Variants in VWA5B1 observed in about 807,000 individuals in gnomAD.
VWA5B1 encodes von Willebrand factor A domain containing 5B1, also known as von Willebrand factor A domain-containing protein 5B1.
Under a neutral mutation model 118.2 loss-of-function variants are expected in VWA5B1, and 115 were observed. The observed-to-expected ratio is 0.97, with a 90% CI of 0.84 to 1.14. The LOEUF (loss-of-function observed/expected upper bound fraction) is 1.14. Among genes scored for constraint, VWA5B1 ranks in the 50% most tolerant of loss-of-function variants. The pLI, the probability that VWA5B1 is intolerant of heterozygous loss-of-function variation, is 0.00. For synonymous variants in VWA5B1, 682 were observed against 658.4 expected, an observed-to-expected ratio of 1.04 and a Z score of -0.55; for missense variants, 1,596 against 1,603.8, an observed-to-expected ratio of 1.00 and a Z score of 0.08.
intron 7 of VWA5B1, among the ~76,000 whole-genome samples, chr1:20,320,470 G>A (rs1399368592): frequency 2.0e-5 from 3 of 152,202 alleles, no homozygotes; most frequent in Non-Finnish European, 2.9e-5. Flanking sequence ...GCTGGAGCCC[G>A]GGGTTCTCAG....
intron 14 of VWA5B1, chr1:20,338,107 A>C: frequency 1.7e-6 from 1 of 596,768 alleles, no homozygotes. Context: ...ATTTGACTTT[A>C]TAGCAGACCT....
rs542880485 is a variant in VWA5B1, at chr1:20,310,720, T to C, written c.119T>C (p.Leu40Pro). The change falls in exon 2 of 22, where the codon CTG becomes CCG. Residue 40 changes from leucine to proline, a missense_variant. Leu to Pro is a moderately conservative substitution (Grantham distance 98, BLOSUM62 -3). Transcript: ENST00000289815. ...ACTGCCTCCCTCACCTATGGCAACC[T>C]GGAAGCCCAGCCCTTCCAGGGTAAG... ...GLTASLTYGNLEAQPFQGLFV... is the reference protein window; with the variant it reads ...GLTASLTYGNPEAQPFQGLFV... 21 of 1,549,270 alleles carry C rather than the reference T, an allele frequency of 1.4e-5. No individual in the cohort carries two copies. In the African/African-American group the frequency reaches 1.9e-4, roughly 14 times the overall value.
chr1:20,336,520 A>G (rs561045993), intron 13 of VWA5B1, 34 bp downstream of exon 13: 101 of 1,321,824 alleles, frequency 7.6e-5, no homozygotes, highest in Non-Finnish European at 8.9e-5. Flanking sequence ...GCTGCCTTAC[A>G]TTGAGCACTT....
chr1:20,348,297 C>A lies in VWA5B1; in HGVS notation c.2817C>A (p.Gly939=). The A allele has an allele frequency of 1.3e-6, 2 of 1,551,640 alleles. No individual in the cohort carries two copies. The highest frequency in any genetic ancestry group is 1.7e-6 in the Non-Finnish European group (2 of 1,147,012). Residue 939 remains glycine, a synonymous_variant, in exon 18 of 22, where the codon GGC becomes GGA. Transcript: ENST00000289815. ...GSRALAQQWR[G]TSSGFGRPQT... ...GGGCCCTGGCCCAACAGTGGAGGGG[C>A]ACCTCTTCTGGCTTTGGAAGGCCGC... is the stretch of plus-strand genomic sequence containing the variant.
chr1:20,317,492 C>T (rs967397206), intron 4 of VWA5B1, 38 bp from the exon 5 acceptor site: 1 of 1,546,720 alleles, frequency 6.5e-7, no homozygotes, highest in East Asian at 2.4e-5. Context: ...TTCTTCCACC[C>T]TGGCTGGTCT....
rs936003893 is a variant in VWA5B1 at position 20,356,134 on chromosome 1, C to T, written c.*1871C>T. ...TCCCCTGCCAAAATCACTTCTTTAGCTATGCAGGCAGCAGCCTCAGCTTCA... is the reference window on the plus strand; with the variant it reads ...TCCCCTGCCAAAATCACTTCTTTAGTTATGCAGGCAGCAGCCTCAGCTTCA... On this transcript the variant is annotated 3_prime_UTR_variant, in exon 22 of 22. Transcript: ENST00000289815. Among the ~76,000 whole-genome samples, 4 of 152,250 alleles carry T rather than the reference C, an allele frequency of 2.6e-5. No homozygotes were observed. Among genetic ancestry groups the T allele is most frequent in the Non-Finnish European group, 5.9e-5 (4 of 68,042 alleles).
chr1:20,296,986 G>A (rs1325918582), intron 1 of VWA5B1, among the ~76,000 whole-genome samples: 1 of 152,220 alleles, frequency 6.6e-6, no homozygotes, highest in Non-Finnish European at 1.5e-5. Flanking sequence ...CTCGCCTCAG[G>A]TCGTTCATTA....
intron 5 of VWA5B1, 76 bp downstream of exon 5, chr1:20,317,751 T>C: frequency 5.8e-5 from 34 of 584,306 alleles, no homozygotes; most frequent in Non-Finnish European, 9.7e-5. Flanking sequence ...GGGACGGGGG[T>C]GGGAAGGAAA....
chr1:20,345,724 G>T, intron 17 of VWA5B1, 131 bp downstream of exon 17: 1 of 1,321,108 alleles, frequency 7.6e-7, no homozygotes, highest in African/African-American at 1.5e-5. Flanking sequence ...AAGCAGAAAG[G>T]CCCCCAGTGG....
At position 20,358,135 on chromosome 1, in the gene VWA5B1, C is replaced by A. The variant is rs752555684; in HGVS notation, c.*3872C>A. Among the ~76,000 whole-genome samples, 1 of 152,176 alleles carries A rather than the reference C, an allele frequency of 6.6e-6. No individual in the cohort carries two copies. The highest frequency in any genetic ancestry group is 2.4e-5 in the African/African-American group (1 of 41,434). On this transcript the variant is annotated 3_prime_UTR_variant, in exon 22 of 22. Transcript: ENST00000289815. Reference sequence around the variant, plus strand: ...GTTTCCCCAGCCAGTCCCTTCTCTGCGGGCAAAATGAATGGCATCCCCTAG... The same window carrying A: ...GTTTCCCCAGCCAGTCCCTTCTCTGAGGGCAAAATGAATGGCATCCCCTAG...
In VWA5B1 at chr1:20,310,657, A is replaced by T; in HGVS notation, c.56A>T (p.Asp19Val). 1 of 1,550,980 alleles carries T rather than the reference A, an allele frequency of 6.4e-7. No homozygotes were observed. Residue 19 changes from aspartate (D) to valine (V), a missense_variant, in exon 2 of 22, where the codon GAT becomes GTT. Asp to Val is a radical substitution (Grantham distance 152, BLOSUM62 -3). Transcript: ENST00000289815. ...TGAALPLTAS[D>V]VTSCVSGYAL... ...GCAGCCCTGCCCCTCACCGCGTCTG[A>T]TGTTACCTCCTGTGTCAGCGGTTAT...
Position 20,305,922 on chromosome 1 carries a change from T to G in VWA5B1, c.-26-4654T>G, listed in dbSNP as rs569408590. Among the ~76,000 whole-genome samples, 20 of 152,186 alleles carry G rather than the reference T, an allele frequency of 1.3e-4. No individual in the cohort carries two copies. The East Asian group carries it at 3.9e-3, about 29-fold the overall frequency. On this transcript the variant is annotated intron_variant, in intron 1 of 21. Transcript: ENST00000289815. ...ATGCAAAACCCAGAAATGACCAGCC[T>G]GGCATTGTGATGACATATGGATCCA... is the stretch of plus-strand genomic sequence containing the variant.
At chr1:20,346,438 T>C (rs1042513896) in intron 17 of VWA5B1, among the ~76,000 whole-genome samples, 7 of 152,250 alleles carry the variant, frequency 4.6e-5, no homozygotes, top group Non-Finnish European at 8.8e-5. Context: ...TTTAGACCTT[T>C]ATTTTATTCC....
At chr1:20,348,468 C>A in intron 18 of VWA5B1, 110 bp downstream of exon 18, 1 of 1,176,198 alleles carries the variant, frequency 8.5e-7, no homozygotes, top group Non-Finnish European at 1.2e-6. Flanking sequence ...TCTGAGTCTG[C>A]ACTGTGGGCT....
chr1:20,330,142 C>G (rs749772761), intron 9 of VWA5B1, 38 bp from the exon 10 acceptor site: 4 of 1,549,908 alleles, frequency 2.6e-6, no homozygotes, highest in Non-Finnish European at 3.5e-6. Context: ...AGTCTCTGTA[C>G]CATACGGTGA....
At position 20,318,593 on chromosome 1, in the gene VWA5B1, T is replaced by A. The variant is rs35480773; in HGVS notation, c.713T>A (p.Val238Glu). 0.047 allele frequency: 73,150 copies of A among 1,551,088 alleles called. 2,050 individuals are homozygous for A. Among genetic ancestry groups the A allele is most frequent in the Middle Eastern group, 0.056 (334 of 5,992 alleles). The change falls in exon 6 of 22, where the codon GTG (valine) becomes GAG (glutamate). Residue 238 changes from valine (V) to glutamate (E), a missense_variant. Transcript: ENST00000289815. The part of the protein sequence containing the change: ...EIRGPCLLAG[V>E]ESPTHEIRAD... Reference sequence around the variant, plus strand: ...CTTGCCTTTCTATGCCACTCAGGGGTGGAGAGTCCCACTCATGAGATTCGT... The same window carrying A: ...CTTGCCTTTCTATGCCACTCAGGGGAGGAGAGTCCCACTCATGAGATTCGT...
chr1:20,335,253 T>C (rs1048049827), intron 12 of VWA5B1, among the ~76,000 whole-genome samples: 11 of 152,056 alleles, frequency 7.2e-5, no homozygotes, highest in African/African-American at 2.7e-4. Context: ...AGTTGGAGGC[T>C]GCAGTGAACT....
At chr1:20,348,400 C>T (rs374842949) in intron 18 of VWA5B1, 42 bp downstream of exon 18, 70 of 1,546,142 alleles carry the variant, frequency 4.5e-5, no homozygotes, top group Middle Eastern at 3.3e-4. Context: ...TGGGCACTTT[C>T]GGAAGCCTGG....
At chr1:20,296,852 T>C in intron 1 of VWA5B1, among the ~76,000 whole-genome samples, 1 of 152,232 alleles carries the variant, frequency 6.6e-6, no homozygotes, top group East Asian at 1.9e-4. Flanking sequence ...AATTATTGGG[T>C]TAACATGGGG....
Sources: allele counts gnomAD v4.1 joint callset (sites outside exome capture counted in the v4.1 genomes callset), GRCh38; gene constraint gnomAD v4.1.1; transcripts MANE v1.5; gene names NCBI Gene and HGNC (gene_info 2026-07-23, HGNC 2026-07-21).